COL21A1: variants seen among roughly 807,000 people sequenced by gnomAD.
COL21A1 encodes collagen alpha-1(XXI) chain.
In COL21A1, 149 loss-of-function variants were observed where a neutral mutation model predicts 137.9. That is an observed-to-expected ratio of 1.08 (90% CI 0.95 to 1.24). COL21A1 has a LOEUF of 1.24. Ranked by LOEUF, COL21A1 falls within the 50% of genes most tolerant of loss-of-function variation. The pLI, the probability that COL21A1 is intolerant of heterozygous loss-of-function variation, is 0.00. For synonymous variants in COL21A1, 456 were observed against 391.5 expected (o/e 1.16, Z -1.95); for missense variants, 1,167 against 1,158.4 (o/e 1.01, Z -0.11).
chr6:56,173,688 C>T (rs936059601), intron 3 of COL21A1, among the ~76,000 whole-genome samples: 1 of 151,996 alleles, frequency 6.6e-6, no homozygotes, highest in African/African-American at 2.4e-5. Context: ...CAGCCAACAT[C>T]ATGATAACAA....
At chr6:56,314,134 A>G (rs1764674843) in intron 1 of COL21A1, among the ~76,000 whole-genome samples, 3 of 151,940 alleles carry the variant, frequency 2.0e-5, no homozygotes, top group African/African-American at 7.3e-5. Context: ...ACAGGCACGC[A>G]CCACCACCCC....
intron 1 of COL21A1, among the ~76,000 whole-genome samples, chr6:56,284,064 T>C (rs556874988): frequency 6.6e-6 from 1 of 152,200 alleles, no homozygotes; most frequent in Non-Finnish European, 1.5e-5. Context: ...TTGTTGTTTT[T>C]TGAGACAGGT....
chr6:56,263,208 A>G (rs567407299), intron 1 of COL21A1, among the ~76,000 whole-genome samples: 1 of 152,356 alleles, frequency 6.6e-6, no homozygotes, highest in African/African-American at 2.4e-5. Context: ...TGAATTAATA[A>G]GTGCATCAAT....
At chr6:56,361,209 ACT>A (rs1765957307) in intron 1 of COL21A1, among the ~76,000 whole-genome samples, 1 of 151,938 alleles carries the variant, frequency 6.6e-6, no homozygotes, top group Non-Finnish European at 1.5e-5. Context: ...AAGTTTGTTG[ACT>A]CTCAGTTCTC....
rs566492123 is a variant in COL21A1 at position 56,059,864 on chromosome 6, C to G, written c.2608+154G>C. ...GAATATTGCATTAAGAAAATAATTT[C>G]TCTTTAATTCAGTTGGCAAATTATT... On this transcript the variant is annotated intron_variant, in intron 28 of 29. Transcript: ENST00000244728. 9.9e-5 allele frequency among the ~76,000 whole-genome samples: 15 copies of G among 152,176 alleles called. 1 individual carries two copies. The South Asian group carries it at 3.1e-3, about 32-fold the overall frequency.
chr6:56,250,098 T>C (rs555200164), upstream of COL21A1, among the ~76,000 whole-genome samples: 1 of 152,358 alleles, frequency 6.6e-6, no homozygotes, highest in South Asian at 2.1e-4. Context: ...CAATCGTTGC[T>C]TGATTTCATC....
chr6:56,067,952 C>G (rs1295039024), intron 22 of COL21A1, among the ~76,000 whole-genome samples: 2 of 151,598 alleles, frequency 1.3e-5, no homozygotes, highest in African/African-American at 2.4e-5. Context: ...TCCAAATTTC[C>G]TTTCTATTAA....
At chr6:56,290,851 A>C (rs1764025685) in intron 1 of COL21A1, among the ~76,000 whole-genome samples, 1 of 152,112 alleles carries the variant, frequency 6.6e-6, no homozygotes, top group African/African-American at 2.4e-5. Context: ...AACACCTCAA[A>C]CCAACTAAAT....
intron 1 of COL21A1, among the ~76,000 whole-genome samples, chr6:56,186,829 A>G (rs1248471089): frequency 6.6e-6 from 1 of 152,216 alleles, no homozygotes; most frequent in African/African-American, 2.4e-5. Context: ...AAAAGACTCA[A>G]TATTATTAAC....
intron 1 of COL21A1, among the ~76,000 whole-genome samples, chr6:56,200,954 C>T (rs1463701553): frequency 2.6e-5 from 4 of 152,160 alleles, no homozygotes; most frequent in Non-Finnish European, 5.9e-5. Flanking sequence ...TCCACATCCT[C>T]TCCAGCACCT....
chr6:56,085,829 T>C (rs1768192141), intron 17 of COL21A1, among the ~76,000 whole-genome samples: 1 of 151,462 alleles, frequency 6.6e-6, no homozygotes, highest in Admixed American at 6.6e-5. Context: ...GATCAGAGCT[T>C]GAGAAATAGT....
intron 1 of COL21A1, among the ~76,000 whole-genome samples, chr6:56,185,559 C>A (rs1163282652): frequency 6.7e-6 from 1 of 150,166 alleles, no homozygotes; most frequent in Non-Finnish European, 1.5e-5. Context: ...CCTCAGCCTC[C>A]CGAGTAGCTG....
intron 12 of COL21A1, among the ~76,000 whole-genome samples, chr6:56,132,135 C>A (rs1773607094): frequency 6.7e-6 from 1 of 150,066 alleles, no homozygotes; most frequent in Non-Finnish European, 1.5e-5. Flanking sequence ...TAAAGGGCTC[C>A]ATTTATAATA....
At chr6:56,268,835 C>A (rs1281038100) in intron 1 of COL21A1, among the ~76,000 whole-genome samples, 3 of 152,168 alleles carry the variant, frequency 2.0e-5, no homozygotes, top group African/African-American at 4.8e-5. Context: ...AGGAAGCTCA[C>A]TGAGATGCAG....
intron 14 of COL21A1, among the ~76,000 whole-genome samples, chr6:56,124,548 A>G (rs541129780): frequency 6.6e-6 from 1 of 152,360 alleles, no homozygotes; most frequent in Non-Finnish European, 1.5e-5. Flanking sequence ...GCAAAATTAA[A>G]AAGCAATGGG....
At chr6:56,227,328 T>C (rs933033732) in intron 1 of COL21A1, among the ~76,000 whole-genome samples, 5 of 152,046 alleles carry the variant, frequency 3.3e-5, no homozygotes, top group African/African-American at 4.8e-5. Context: ...ATGGACTATT[T>C]GGAGTAAAGA....
At chr6:56,133,441 A>G (rs2152225750) in intron 12 of COL21A1, among the ~76,000 whole-genome samples, 2 of 151,616 alleles carry the variant, frequency 1.3e-5, no homozygotes, top group East Asian at 3.9e-4. Context: ...AAAGGCATTC[A>G]ATTTTATAAA....
chr6:56,379,803 A>T (rs2094005821), intron 1 of COL21A1, among the ~76,000 whole-genome samples: 1 of 152,210 alleles, frequency 6.6e-6, no homozygotes, highest in Non-Finnish European at 1.5e-5. Context: ...ACAATAGTTT[A>T]TTAAAATTCT....
chr6:56,206,693 AATAAAT>A lies in COL21A1; in HGVS notation c.-38-24043_-38-24038del, dbSNP rs1418520918. 2.2e-3 allele frequency among the ~76,000 whole-genome samples: 284 copies of A among 127,794 alleles called. 1 individual carries two copies. Among genetic ancestry groups the A allele is most frequent in the Admixed American group, 5.9e-3 (72 of 12,188 alleles). 83.8% of individuals were successfully genotyped at this position (127,794 alleles called of 152,430 possible). ...CCCAATTCAACAAAATAAATAAATAAATAAATATATATATATATATATATATATATA... is the reference window on the plus strand; with the variant it reads ...CCCAATTCAACAAAATAAATAAATAAATATATATATATATATATATATATA... On this transcript the variant is annotated intron_variant, in intron 1 of 29. Transcript: ENST00000244728.
Sources: allele counts gnomAD v4.1 joint callset (sites outside exome capture counted in the v4.1 genomes callset), GRCh38; gene constraint gnomAD v4.1.1; transcripts MANE v1.5; gene names NCBI Gene and HGNC (gene_info 2026-07-23, HGNC 2026-07-21).